The following PCLO variants were observed in gnomAD, a reference collection of about 807,000 sequenced individuals.
The protein encoded by PCLO is piccolo presynaptic cytomatrix protein, also known as protein piccolo.
PCLO carries 82 observed loss-of-function variants against 427.5 expected under a neutral mutation model. The ratio of observed to expected loss-of-function variants is 0.19; its 90% CI spans 0.16 to 0.23. PCLO has a LOEUF of 0.23. PCLO is among the 10% of genes least tolerant of loss of function. The probability of loss-of-function intolerance (pLI) is 1.00; values close to 1 mark genes in which losing one functional copy is unlikely to be tolerated. For missense variants in PCLO, 6,239 were observed against 6,115.9 expected (o/e 1.02, Z -0.67); for synonymous variants, 2,357 against 2,155.4 (o/e 1.09, Z -2.59).
At chr7:82,835,853 T>A (rs991657078) in intron 15 of PCLO, among the ~76,000 whole-genome samples, 160 bp from the exon 16 acceptor site, 1 of 152,158 alleles carries the variant, frequency 6.6e-6, no homozygotes, top group South Asian at 2.1e-4. Flanking sequence ...ATGCTAGAAC[T>A]ACAGTGAAAA....
At position 82,949,942 on chromosome 7, in the gene PCLO, A is replaced by C. The variant is rs778398743; in HGVS notation, c.10646T>G (p.Ile3549Arg). The change falls in exon 6 of 25, where the codon ATA becomes AGA. Residue 3549 changes from isoleucine (I) to arginine (R), a missense_variant. Ile to Arg is a moderately conservative substitution (Grantham distance 97). Transcript: ENST00000333891. Reference protein sequence around the residue: ...IRARVDAKVEIIKHISAPEKT... With the variant: ...IRARVDAKVERIKHISAPEKT... The stretch of plus-strand genomic sequence containing the variant: ...TTCAGGTGCTGAAATGTGTTTAATT[A>C]TTTCTACCTTGGCATCCACTCGTGC... The C allele has an allele frequency of 6.2e-7, 1 of 1,613,200 alleles. No individual in the cohort carries two copies. The highest frequency in any genetic ancestry group is 8.5e-7 in the Non-Finnish European group (1 of 1,179,756).
At chr7:83,081,536 T>A (rs1189810691) in intron 3 of PCLO, among the ~76,000 whole-genome samples, 1 of 151,916 alleles carries the variant, frequency 6.6e-6, no homozygotes, top group African/African-American at 2.4e-5. Flanking sequence ...GACCTGATGA[T>A]GTCTTAAATC....
At chr7:82,913,351 G>A (rs1794368456) in intron 7 of PCLO, among the ~76,000 whole-genome samples, 1 of 151,744 alleles carries the variant, frequency 6.6e-6, no homozygotes, top group Non-Finnish European at 1.5e-5. Context: ...CAAAGATGTA[G>A]GAAAAAAATC....
chr7:82,879,366 C>A lies in PCLO; in HGVS notation c.13625G>T (p.Ser4542Ile). The A allele has an allele frequency of 3.7e-6, 6 of 1,612,748 alleles. No individual in the cohort carries two copies. Among genetic ancestry groups the A allele is most frequent in the South Asian group, 1.1e-5 (1 of 90,996 alleles). Residue 4542 changes from serine to isoleucine, a missense_variant, in exon 10 of 25, where the codon AGT (serine) becomes ATT (isoleucine). Ser to Ile is a moderately radical substitution (Grantham distance 142). Around this residue, in one of 5 missense-constraint regions of PCLO, gnomAD observed 877 missense variants for 925.5 expected, o/e 0.95. Coordinates refer to ENST00000333891, the MANE Select transcript of PCLO (RefSeq NM_033026.6). ...AYIAKILPGGSAEQTGKLMEG... is the reference protein window; with the variant it reads ...AYIAKILPGGIAEQTGKLMEG... ...CATAAGCTTCCCCGTCTGTTCCGCA[C>A]TTCCCCCAGGAAGAATCTTGGCAAT...
intron 22 of PCLO, among the ~76,000 whole-genome samples, chr7:82,775,209 GT>G (rs1790725023): frequency 6.6e-6 from 1 of 152,082 alleles, no homozygotes; most frequent in African/African-American, 2.4e-5. Flanking sequence ...CCATGGGCAG[GT>G]TTTTTTGTGG....
chr7:83,014,130 G>A (rs1260179903), intron 3 of PCLO, among the ~76,000 whole-genome samples: 1 of 152,086 alleles, frequency 6.6e-6, no homozygotes, highest in East Asian at 1.9e-4. Context: ...GATACTGTAT[G>A]TATCTTCCCT....
chr7:83,040,492 C>T (rs1278608080), intron 3 of PCLO, among the ~76,000 whole-genome samples: 6 of 152,040 alleles, frequency 3.9e-5, no homozygotes, highest in Non-Finnish European at 8.8e-5. Flanking sequence ...CTAATCTATT[C>T]GAATTTGAGC....
chr7:82,871,867 A>C (rs1793246332), intron 10 of PCLO, among the ~76,000 whole-genome samples: 3 of 151,974 alleles, frequency 2.0e-5, no homozygotes, highest in Admixed American at 1.3e-4. Flanking sequence ...ATAAAGCTTT[A>C]AAAAATGGTG....
At chr7:82,764,628 A>C (rs1482591480) in intron 22 of PCLO, among the ~76,000 whole-genome samples, 2 of 151,954 alleles carry the variant, frequency 1.3e-5, no homozygotes, top group African/African-American at 2.4e-5. Context: ...TGGAATCAAT[A>C]AGAGTGCAGA....
At chr7:82,895,845 G>C (rs1478275220) in intron 9 of PCLO, among the ~76,000 whole-genome samples, 1 of 151,834 alleles carries the variant, frequency 6.6e-6, no homozygotes, top group Non-Finnish European at 1.5e-5. Context: ...AGAAAGCTTA[G>C]GCCAGGTGAT....
chr7:82,906,819 A>G (rs1794204140), intron 8 of PCLO, among the ~76,000 whole-genome samples: 1 of 152,002 alleles, frequency 6.6e-6, no homozygotes, highest in East Asian at 1.9e-4. Context: ...TTAGATGTGA[A>G]AATGTAAAAT....
intron 3 of PCLO, among the ~76,000 whole-genome samples, chr7:83,036,941 T>G (rs1263561831): frequency 6.6e-6 from 1 of 152,084 alleles, no homozygotes; most frequent in Non-Finnish European, 1.5e-5. Flanking sequence ...TAATGATTTA[T>G]GGGATCAATG....
intron 9 of PCLO, among the ~76,000 whole-genome samples, chr7:82,899,085 CTT>C (rs1793977726): frequency 6.6e-6 from 1 of 151,320 alleles, no homozygotes; most frequent in African/African-American, 2.4e-5. Flanking sequence ...GTAGTTATCA[CTT>C]TGTTTCATGA....
intron 8 of PCLO, 112 bp downstream of exon 8, chr7:82,908,765 G>C: frequency 2.1e-6 from 2 of 942,696 alleles, no homozygotes; most frequent in South Asian, 3.2e-5. Flanking sequence ...AAAATCATTT[G>C]TGAAATTAAT....
rs1048411694 is a variant in PCLO at position 83,121,885 on chromosome 7, A to T, written c.3300+12365T>A. ...AAAACTATAGCCTAATATCTCTGAT[A>T]AACATTTATGCAAAAATCCCCAACA... On this transcript the variant is annotated intron_variant, in intron 3 of 24. Transcript: ENST00000333891. Among the ~76,000 whole-genome samples, 33 of 152,312 alleles carry T rather than the reference A, an allele frequency of 2.2e-4. No homozygotes were observed. In the South Asian group the frequency reaches 6.2e-3, roughly 29 times the overall value.
At position 82,940,768 on chromosome 7, in the gene PCLO, T is replaced by C. The variant is rs1169196800; in HGVS notation, c.11112+8708A>G. On this transcript the variant is annotated intron_variant, in intron 6 of 24. Transcript: ENST00000333891. ...ATTTTTTTCTTTCTTTTTTTTTTTT[T>C]TTTTTTTTTTCTGAGACTGAGTCTC... 2.1e-5 allele frequency among the ~76,000 whole-genome samples: 3 copies of C among 145,756 alleles called. No homozygotes were observed. The East Asian group carries it at 5.9e-4, about 29-fold the overall frequency.
chr7:83,101,839 A>T (rs1237803432), intron 3 of PCLO, among the ~76,000 whole-genome samples: 1 of 152,154 alleles, frequency 6.6e-6, no homozygotes, highest in East Asian at 1.9e-4. Context: ...GAAATCTAAC[A>T]TTTCTTAGTA....
At chr7:82,910,224 CT>C (rs1794290155) in intron 7 of PCLO, among the ~76,000 whole-genome samples, 1 of 152,136 alleles carries the variant, frequency 6.6e-6, no homozygotes, top group Non-Finnish European at 1.5e-5. Flanking sequence ...CATACAATAG[CT>C]TTATTTTTCT....
chr7:82,866,467 T>C (rs1243177051), intron 10 of PCLO, among the ~76,000 whole-genome samples: 1 of 152,050 alleles, frequency 6.6e-6, no homozygotes, highest in Non-Finnish European at 1.5e-5. Context: ...GAAATTACTT[T>C]ATACAATATG....
Sources: allele counts gnomAD v4.1 joint callset (sites outside exome capture counted in the v4.1 genomes callset), GRCh38; gene constraint gnomAD v4.1.1; regional missense constraint gnomAD v4.1.1; transcripts MANE v1.5; gene names NCBI Gene and HGNC (gene_info 2026-07-23, HGNC 2026-07-21).